ABCA1: variants seen among roughly 807,000 people sequenced by gnomAD.
The protein encoded by ABCA1 is phospholipid-transporting ATPase ABCA1.
Under a neutral mutation model 262.5 loss-of-function variants are expected in ABCA1, and 133 were observed. The ratio of observed to expected loss-of-function variants is 0.51; its 90% CI spans 0.44 to 0.59. ABCA1 has a LOEUF of 0.59. ABCA1 is among the 20% of genes least tolerant of loss of function. The pLI, the probability that ABCA1 is intolerant of heterozygous loss-of-function variation, is 0.00. For missense variants in ABCA1, 2,452 were observed against 2,777.5 expected (o/e 0.88, Z 2.63); for synonymous variants, 1,022 against 1,043.5 (o/e 0.98, Z 0.40).
Position 104,790,673 on chromosome 9 carries a change from T to C in ABCA1, c.5927+249A>G, listed in dbSNP as rs191370215. 1.7e-3 allele frequency among the ~76,000 whole-genome samples: 265 copies of C among 152,308 alleles called. 1 individual carries two copies. The highest frequency in any genetic ancestry group is 6.2e-3 in the African/African-American group (259 of 41,566). On this transcript the variant is annotated intron_variant, in intron 44 of 49. Transcript: ENST00000374736. ...ATACTCTTAAAAAACAAGCAAATTA[T>C]ATTGTATGTAAATTATACCTGAATA...
chr9:104,807,499 C>T lies in ABCA1; in HGVS notation c.4275-1069G>A, dbSNP rs573290763. On this transcript the variant is annotated intron_variant, in intron 30 of 49. Transcript: ENST00000374736. ...TCCACAATTTAAAGTAAAGTTACAG[C>T]AATTATTTCCTTATTATTAAATATT... 2.6e-5 allele frequency among the ~76,000 whole-genome samples: 4 copies of T among 152,266 alleles called. No individual in the cohort carries two copies. The South Asian group carries it at 8.3e-4, about 32-fold the overall frequency.
chr9:104,875,545 A>G lies in ABCA1; in HGVS notation c.421+7494T>C, dbSNP rs528876057. ...TGTCCCTTTCCGCCCCTTGACCTCA[A>G]CAAGGTGATATGTCCTCCAAAGGGT... On this transcript the variant is annotated intron_variant, in intron 5 of 49. Coordinates refer to ENST00000374736, the MANE Select transcript of ABCA1 (RefSeq NM_005502.4). 2.6e-5 allele frequency among the ~76,000 whole-genome samples: 4 copies of G among 152,226 alleles called. No homozygotes were observed. The South Asian group carries it at 6.2e-4, about 24-fold the overall frequency.
intron 1 of ABCA1, among the ~76,000 whole-genome samples, chr9:104,926,076 T>A (rs1352288036): frequency 6.6e-6 from 1 of 151,964 alleles, no homozygotes; most frequent in African/African-American, 2.4e-5. Flanking sequence ...GAAATTTTTG[T>A]GAGGTTCTCT....
In ABCA1 at chr9:104,788,470, A is replaced by G; in HGVS notation, c.6025T>C (p.Phe2009Leu). ...GGGACTCCTCTCAAAAGGGCAAAGAACTCCACGTGTTCTCTCCCAGTCAAC... is the reference window on the plus strand; with the variant it reads ...GGGACTCCTCTCAAAAGGGCAAAGAGCTCCACGTGTTCTCTCCCAGTCAAC... ...ELLTGREHVE[F>L]FALLRGVPEK... The change falls in exon 45 of 50, where the codon TTC (phenylalanine) becomes CTC (leucine). Residue 2009 changes from phenylalanine (F) to leucine (L), a missense_variant. Coordinates refer to ENST00000374736, the MANE Select transcript of ABCA1 (RefSeq NM_005502.4). 6.2e-7 allele frequency: 1 copy of G among 1,614,042 alleles called. No individual in the cohort carries two copies. Among genetic ancestry groups the G allele is most frequent in the Non-Finnish European group, 8.5e-7 (1 of 1,179,992 alleles).
At chr9:104,865,214 G>A (rs1158119070) in intron 5 of ABCA1, among the ~76,000 whole-genome samples, 1 of 152,204 alleles carries the variant, frequency 6.6e-6, no homozygotes, top group Non-Finnish European at 1.5e-5. Context: ...CCAAAGCCCA[G>A]GCCACACCAT....
At chr9:104,890,209 T>TA in intron 2 of ABCA1, among the ~76,000 whole-genome samples, 1 of 152,348 alleles carries the variant, frequency 6.6e-6, no homozygotes, top group East Asian at 1.9e-4. Flanking sequence ...AATTATAACT[T>TA]ACAACTGTGG....
At position 104,845,090 on chromosome 9, in the gene ABCA1, G is replaced by C. The variant is rs4149294; in HGVS notation, c.813+387C>G. On this transcript the variant is annotated intron_variant, in intron 8 of 49. Transcript: ENST00000374736. Reference sequence around the variant, plus strand: ...TGTTAGTTAGCAAGCATGTGTGTTGGTAAAATGATTGGCCTTGCTACTGAA... The same window carrying C: ...TGTTAGTTAGCAAGCATGTGTGTTGCTAAAATGATTGGCCTTGCTACTGAA... Among the ~76,000 whole-genome samples, 232 of 152,316 alleles carry C rather than the reference G, an allele frequency of 1.5e-3. 3 individuals are homozygous for C. The East Asian group carries it at 0.035, about 23-fold the overall frequency.
intron 1 of ABCA1, among the ~76,000 whole-genome samples, chr9:104,913,357 A>G (rs1370930834): frequency 3.9e-5 from 6 of 152,206 alleles, no homozygotes; most frequent in African/African-American, 1.4e-4. Context: ...CTGGAACCCT[A>G]GGGACTCTGA....
At chr9:104,811,009 T>A (rs1831232865) in intron 28 of ABCA1, 85 bp from the exon 29 acceptor site, 1 of 1,595,966 alleles carries the variant, frequency 6.3e-7, no homozygotes, top group Non-Finnish European at 8.6e-7. Context: ...TCCCTACGAG[T>A]CCAGCCCACC....
At chr9:104,922,566 C>T (rs1842196623) in intron 1 of ABCA1, among the ~76,000 whole-genome samples, 1 of 152,126 alleles carries the variant, frequency 6.6e-6, no homozygotes, top group African/African-American at 2.4e-5. Flanking sequence ...AGTTATTACA[C>T]GGAAAACTTA....
At chr9:104,785,707 G>A in intron 48 of ABCA1, 68 bp from the exon 49 acceptor site, 1 of 1,600,324 alleles carries the variant, frequency 6.2e-7, no homozygotes, top group Non-Finnish European at 8.5e-7. Flanking sequence ...ACTGAACCCT[G>A]GGAACCCAAC....
intron 2 of ABCA1, among the ~76,000 whole-genome samples, chr9:104,889,849 G>A (rs1839554069): frequency 6.6e-6 from 1 of 152,202 alleles, no homozygotes; most frequent in South Asian, 2.1e-4. Context: ...ACTCAGGACT[G>A]TAAAGAGAGA....
intron 1 of ABCA1, among the ~76,000 whole-genome samples, chr9:104,906,033 A>G (rs1344984772): frequency 2.0e-5 from 3 of 152,230 alleles, no homozygotes; most frequent in Non-Finnish European, 2.9e-5. Context: ...GATAATATAA[A>G]TAATTTCCCA....
intron 2 of ABCA1, among the ~76,000 whole-genome samples, chr9:104,901,192 C>CA (rs982490037): frequency 2.1e-4 from 32 of 151,962 alleles, no homozygotes; most frequent in African/African-American, 7.0e-4. Flanking sequence ...TAAGCAGCTG[C>CA]AAAAAAATAA....
At chr9:104,796,827 CTATT>C (rs1407753128) in intron 37 of ABCA1, among the ~76,000 whole-genome samples, 1 of 152,212 alleles carries the variant, frequency 6.6e-6, no homozygotes, top group Non-Finnish European at 1.5e-5. Flanking sequence ...CACATGTAAT[CTATT>C]TATGAGGTAA....
chr9:104,870,600 T>A (rs1283047109), intron 5 of ABCA1, among the ~76,000 whole-genome samples: 1 of 148,986 alleles, frequency 6.7e-6, no homozygotes, highest in Non-Finnish European at 1.5e-5. Context: ...CTTTAAGGGG[T>A]GATTAAGTTA....
At chr9:104,909,492 C>A (rs1841366716) in intron 1 of ABCA1, among the ~76,000 whole-genome samples, 1 of 152,036 alleles carries the variant, frequency 6.6e-6, no homozygotes, top group South Asian at 2.1e-4. Flanking sequence ...CATATGCTAC[C>A]CACAAAGGGG....
In ABCA1 at chr9:104,826,979, T is replaced by A. The variant is rs1197665770; in HGVS notation, c.2306A>T (p.Asp769Val). 6.2e-7 allele frequency: 1 copy of A among 1,614,152 alleles called. No individual in the cohort carries two copies. The highest frequency in any genetic ancestry group is 1.1e-5 in the South Asian group (1 of 91,084). ...LPYVLCVAWQ[D>V]YVGFTLKIFA... ...GATCTTGAGTGTGAAGCCCACGTAG[T>A]CCTGCCATGCCACACACAGGACGTA... The change falls in exon 16 of 50, where the codon GAC becomes GTC. Residue 769 changes from aspartate (D) to valine (V), a missense_variant. By Grantham distance (152) the Asp-to-Val change is radical. Coordinates refer to ENST00000374736, the MANE Select transcript of ABCA1 (RefSeq NM_005502.4).
chr9:104,838,187 T>C (rs1315326364), intron 9 of ABCA1, among the ~76,000 whole-genome samples: 1 of 150,896 alleles, frequency 6.6e-6, no homozygotes, highest in Non-Finnish European at 1.5e-5. Flanking sequence ...TAGCTGGGCG[T>C]GGTGACGCAT....
Sources: allele counts gnomAD v4.1 joint callset (sites outside exome capture counted in the v4.1 genomes callset), GRCh38; gene constraint gnomAD v4.1.1; transcripts MANE v1.5; gene names NCBI Gene and HGNC (gene_info 2026-07-23, HGNC 2026-07-21).